The following SLC44A1 variants were observed in gnomAD, a reference collection of about 807,000 sequenced individuals.
The protein encoded by SLC44A1 is solute carrier family 44 member 1.
In SLC44A1, 26 loss-of-function variants were observed where a neutral mutation model predicts 79.3. The observed-to-expected ratio is 0.33, with a 90% CI of 0.24 to 0.46. The LOEUF (loss-of-function observed/expected upper bound fraction) is 0.46, where lower values mean the gene tolerates loss of function less well. SLC44A1 is among the 20% of genes least tolerant of loss of function. The pLI, the probability that SLC44A1 is intolerant of heterozygous loss-of-function variation, is 1.00. For synonymous variants in SLC44A1, 263 were observed against 286.2 expected (o/e 0.92, Z 0.82); for missense variants, 688 against 798.1 (o/e 0.86, Z 1.66).
At chr9:105,357,624 T>C (rs540526373) in intron 6 of SLC44A1, among the ~76,000 whole-genome samples, 1 of 152,280 alleles carries the variant, frequency 6.6e-6, no homozygotes, top group Non-Finnish European at 1.5e-5. Context: ...CTTTAAGATT[T>C]TTACTCAGGA....
chr9:105,251,222 A>T (rs780620976), intron 1 of SLC44A1, among the ~76,000 whole-genome samples: 1 of 152,100 alleles, frequency 6.6e-6, no homozygotes, highest in African/African-American at 2.4e-5. Context: ...CTTTTTCAGT[A>T]CTTTATCTCT....
intron 2 of SLC44A1, 27 bp downstream of exon 2, chr9:105,299,336 A>T (rs966449094): frequency 2.7e-6 from 4 of 1,470,426 alleles, no homozygotes; most frequent in Non-Finnish European, 3.7e-6. Flanking sequence ...AGATGGTCCA[A>T]ACTGGACTCA....
At chr9:105,434,206 C>A (rs1829435271) in intron 15 of SLC44A1, among the ~76,000 whole-genome samples, 1 of 151,870 alleles carries the variant, frequency 6.6e-6, no homozygotes, top group Non-Finnish European at 1.5e-5. Context: ...TGGGCATGGT[C>A]ATGCATGCCC....
intron 14 of SLC44A1, among the ~76,000 whole-genome samples, chr9:105,384,916 C>T (rs1050626130): frequency 3.3e-5 from 5 of 152,152 alleles, no homozygotes; most frequent in Non-Finnish European, 7.4e-5. Flanking sequence ...GTCAGATTGA[C>T]ACTTTTTTTA....
intron 4 of SLC44A1, among the ~76,000 whole-genome samples, chr9:105,347,949 A>T (rs1337552296): frequency 6.6e-6 from 1 of 151,898 alleles, no homozygotes. Context: ...TCCCAGTTCT[A>T]CTCCTACTAG....
intron 15 of SLC44A1, among the ~76,000 whole-genome samples, chr9:105,410,931 C>T (rs1829087025): frequency 6.6e-6 from 1 of 152,096 alleles, no homozygotes; most frequent in Non-Finnish European, 1.5e-5. Context: ...AAAAGCCAGA[C>T]ACAAATGGCC....
At chr9:105,251,254 G>T (rs1272451476) in intron 1 of SLC44A1, among the ~76,000 whole-genome samples, 1 of 152,094 alleles carries the variant, frequency 6.6e-6, no homozygotes, top group Non-Finnish European at 1.5e-5. Flanking sequence ...TGATACCAAT[G>T]CCCTGGTTGT....
At chr9:105,424,747 G>A (rs1829297564) in intron 15 of SLC44A1, among the ~76,000 whole-genome samples, 1 of 152,236 alleles carries the variant, frequency 6.6e-6, no homozygotes, top group East Asian at 1.9e-4. Flanking sequence ...GGGAGTTCAA[G>A]ACCAGCCTGG....
intron 9 of SLC44A1, among the ~76,000 whole-genome samples, chr9:105,363,970 ACTTC>A (rs1326412752): frequency 1.1e-4 from 16 of 152,338 alleles, no homozygotes; most frequent in South Asian, 4.1e-4. Context: ...GGATCTACTT[ACTTC>A]CTTGGGATTT....
chr9:105,324,586 G>A (rs1323726695), intron 3 of SLC44A1, among the ~76,000 whole-genome samples: 9 of 151,982 alleles, frequency 5.9e-5, no homozygotes, highest in Admixed American at 5.2e-4. Context: ...TGTCATCCTT[G>A]CTTTTTGTTG....
chr9:105,354,797 C>G (rs949597249), intron 5 of SLC44A1, among the ~76,000 whole-genome samples: 1 of 152,176 alleles, frequency 6.6e-6, no homozygotes. Context: ...TTAAGGGAAA[C>G]TAATACATAG....
Position 105,366,338 on chromosome 9 carries a change from C to G in SLC44A1, c.1411-8C>G. ...TTTTTTTATTATTTCCATTTTTCCC[C>G]CATCCAGGAAAATGCTTGTGCACGA... On this transcript the variant is annotated splice_region_variant and splice_polypyrimidine_tract_variant and intron_variant, in intron 11 of 15. Coordinates refer to ENST00000374720, the MANE Select transcript of SLC44A1 (RefSeq NM_080546.5). 6.9e-7 allele frequency: 1 copy of G among 1,443,640 alleles called. No homozygotes were observed. 89.4% of individuals were successfully genotyped at this position (1,443,640 alleles called of 1,614,324 possible).
chr9:105,415,896 ATTT>A (rs10592448), intron 15 of SLC44A1, among the ~76,000 whole-genome samples: 2,346 of 117,892 alleles, frequency 0.02, 66 homozygotes, highest in African/African-American at 0.073. Flanking sequence ...GATTGACTGA[ATTT>A]TTTTTTTTTT....
At position 105,254,465 on chromosome 9, in the gene SLC44A1, C is replaced by T. The variant is rs548097741; in HGVS notation, c.36+9561C>T. On this transcript the variant is annotated intron_variant, in intron 1 of 15. Transcript: ENST00000374720. ...GGGCAACACCGGAACAAAAGGAGGACTTTGCCAGCAAGGTGGCGGCAGGGA... is the reference window on the plus strand; with the variant it reads ...GGGCAACACCGGAACAAAAGGAGGATTTTGCCAGCAAGGTGGCGGCAGGGA... 1.6e-4 allele frequency among the ~76,000 whole-genome samples: 24 copies of T among 152,342 alleles called. No individual in the cohort carries two copies. The East Asian group carries it at 4.2e-3, about 27-fold the overall frequency.
intron 1 of SLC44A1, among the ~76,000 whole-genome samples, chr9:105,265,983 G>A (rs1009967590): frequency 3.3e-5 from 5 of 151,806 alleles, no homozygotes; most frequent in African/African-American, 9.7e-5. Flanking sequence ...TAAGAGACAT[G>A]GTCTAACTCT....
intron 1 of SLC44A1, among the ~76,000 whole-genome samples, chr9:105,296,006 C>T (rs556152713): frequency 6.6e-6 from 1 of 151,942 alleles, no homozygotes; most frequent in Admixed American, 6.6e-5. Context: ...AATTTTAGTA[C>T]GTATAAGGGA....
At chr9:105,279,152 T>C (rs1830285774) in intron 1 of SLC44A1, among the ~76,000 whole-genome samples, 1 of 144,758 alleles carries the variant, frequency 6.9e-6, no homozygotes, top group Non-Finnish European at 1.5e-5. Context: ...TGAGCTGAGA[T>C]CGCACCACTG....
At chr9:105,342,770 A>G (rs897593921) in intron 4 of SLC44A1, among the ~76,000 whole-genome samples, 2 of 152,182 alleles carry the variant, frequency 1.3e-5, no homozygotes, top group Admixed American at 6.5e-5. Flanking sequence ...ATTGTATGCC[A>G]TGGACTGCAC....
At chr9:105,253,944 A>T (rs994118186) in intron 1 of SLC44A1, among the ~76,000 whole-genome samples, 1 of 152,104 alleles carries the variant, frequency 6.6e-6, no homozygotes, top group Non-Finnish European at 1.5e-5. Flanking sequence ...GCTGGTCTCG[A>T]ACTCCTGACC....
Sources: gnomAD v4.1 joint callset for allele counts (sites outside exome capture counted in the v4.1 genomes callset) on GRCh38, gnomAD v4.1.1 for gene constraint, MANE v1.5 for transcripts, NCBI Gene and HGNC (gene_info 2026-07-23, HGNC 2026-07-21) for gene names.